Variants in SPOCK3 observed in about 807,000 individuals in gnomAD.
SPOCK3 encodes testican-3.
SPOCK3 carries 30 observed loss-of-function variants against 56.6 expected under a neutral mutation model. The ratio of observed to expected loss-of-function variants is 0.53; its 90% CI spans 0.40 to 0.72. The LOEUF is 0.72. Among genes scored for constraint, SPOCK3 ranks in the 30% least tolerant of loss-of-function variants. SPOCK3 has a pLI of 0.00. For synonymous variants in SPOCK3, 196 were observed against 183.3 expected, an observed-to-expected ratio of 1.07 and a Z score of -0.56; for missense variants, 527 against 530.0, an observed-to-expected ratio of 0.99 and a Z score of 0.06.
At chr4:166,954,451 G>A (rs1743133002) in intron 4 of SPOCK3, among the ~76,000 whole-genome samples, 1 of 151,968 alleles carries the variant, frequency 6.6e-6, no homozygotes, top group South Asian at 2.1e-4. Context: ...TTACATTTCA[G>A]TCTTTATCCC....
At chr4:166,902,378 G>A (rs935445026) in intron 5 of SPOCK3, among the ~76,000 whole-genome samples, 3 of 151,822 alleles carry the variant, frequency 2.0e-5, no homozygotes, top group Admixed American at 2.0e-4. Context: ...TCCTGTACTT[G>A]TGGAATCATG....
chr4:167,035,455 G>A (rs6818745), intron 3 of SPOCK3, among the ~76,000 whole-genome samples: 29,853 of 151,670 alleles, frequency 0.2, 3,483 homozygotes, highest in African/African-American at 0.33. Context: ...GAAACCTTAC[G>A]AGCCAGCTCA....
At chr4:167,226,958 G>A (rs560320355) in intron 2 of SPOCK3, among the ~76,000 whole-genome samples, 3 of 152,138 alleles carry the variant, frequency 2.0e-5, no homozygotes, top group African/African-American at 4.8e-5. Context: ...TAAGTGAGGT[G>A]GAAGAGAAAG....
intron 2 of SPOCK3, among the ~76,000 whole-genome samples, chr4:167,066,120 A>T (rs143855945): frequency 2.6e-4 from 39 of 151,956 alleles, no homozygotes; most frequent in Admixed American, 7.2e-4. Context: ...TTATTGTTTA[A>T]ACTGTCTTTT....
intron 2 of SPOCK3, among the ~76,000 whole-genome samples, chr4:167,208,873 C>T (rs979987771): frequency 1.3e-5 from 2 of 152,054 alleles, no homozygotes; most frequent in African/African-American, 4.8e-5. Flanking sequence ...ATAAGGAAAA[C>T]ATTAAAATCC....
intron 2 of SPOCK3, among the ~76,000 whole-genome samples, chr4:167,066,280 G>A (rs959803677): frequency 1.3e-5 from 2 of 151,770 alleles, no homozygotes; most frequent in Non-Finnish European, 2.9e-5. Flanking sequence ...TGTGTTAGGG[G>A]TAGGGAGACT....
At chr4:167,224,562 C>T (rs1165802636) in intron 2 of SPOCK3, among the ~76,000 whole-genome samples, 1 of 152,046 alleles carries the variant, frequency 6.6e-6, no homozygotes, top group Admixed American at 6.6e-5. Flanking sequence ...AAGTTTTTTC[C>T]TAATTAATTT....
At chr4:166,802,634 T>C (rs1742734455) in intron 6 of SPOCK3, among the ~76,000 whole-genome samples, 1 of 152,120 alleles carries the variant, frequency 6.6e-6, no homozygotes, top group African/African-American at 2.4e-5. Context: ...TCCCACCTCC[T>C]GGTACCATCG....
At chr4:167,229,698 T>C (rs1429472573) in intron 2 of SPOCK3, among the ~76,000 whole-genome samples, 1 of 152,154 alleles carries the variant, frequency 6.6e-6, no homozygotes, top group Non-Finnish European at 1.5e-5. Flanking sequence ...AGTCAACTTA[T>C]AATTTGAGTG....
chr4:167,113,077 A>G (rs573770547), intron 2 of SPOCK3, among the ~76,000 whole-genome samples: 2 of 152,248 alleles, frequency 1.3e-5, no homozygotes, highest in East Asian at 1.9e-4. Context: ...AAAGGTCAAC[A>G]TGTCAAGAGA....
At chr4:167,132,890 C>T (rs1261294999) in intron 2 of SPOCK3, among the ~76,000 whole-genome samples, 1 of 152,164 alleles carries the variant, frequency 6.6e-6, no homozygotes, top group Non-Finnish European at 1.5e-5. Context: ...GCCTCCTCTT[C>T]TCAAGGTCCT....
intron 4 of SPOCK3, among the ~76,000 whole-genome samples, chr4:166,949,157 C>G (rs1742169414): frequency 6.6e-6 from 1 of 152,216 alleles, no homozygotes; most frequent in Non-Finnish European, 1.5e-5. Context: ...CTTCTGCATT[C>G]TACACGTAGT....
intron 10 of SPOCK3, among the ~76,000 whole-genome samples, chr4:166,736,273 C>T (rs1284608403): frequency 6.6e-6 from 1 of 152,098 alleles, no homozygotes; most frequent in Non-Finnish European, 1.5e-5. Flanking sequence ...AGGAACTCAT[C>T]TCCATATAAC....
chr4:166,991,908 G>A (rs867608242), intron 4 of SPOCK3, among the ~76,000 whole-genome samples: 1 of 152,016 alleles, frequency 6.6e-6, no homozygotes, highest in Non-Finnish European at 1.5e-5. Flanking sequence ...ATTCACACAC[G>A]TGTATATAAA....
At chr4:166,810,452 C>T (rs1402659709) in intron 6 of SPOCK3, among the ~76,000 whole-genome samples, 1 of 151,826 alleles carries the variant, frequency 6.6e-6, no homozygotes, top group African/African-American at 2.4e-5. Flanking sequence ...GAAATATTTG[C>T]TATATGTTTT....
Position 167,226,461 on chromosome 4 carries a change from C to T in SPOCK3, c.189+7524G>A, listed in dbSNP as rs575591663. On this transcript the variant is annotated intron_variant, in intron 2 of 10. Transcript: ENST00000357545. ...GACAGGCAATGATAAAAAACATTCCCATCAGAGGACACGGGGATGGAGACT... is the reference window on the plus strand; with the variant it reads ...GACAGGCAATGATAAAAAACATTCCTATCAGAGGACACGGGGATGGAGACT... Among the ~76,000 whole-genome samples the T allele has an allele frequency of 3.9e-5, 6 of 152,190 alleles. No homozygotes were observed. In the East Asian group the frequency reaches 1.2e-3, roughly 29 times the overall value.
At chr4:166,800,348 T>A (rs1364319261) in intron 6 of SPOCK3, among the ~76,000 whole-genome samples, 1 of 150,974 alleles carries the variant, frequency 6.6e-6, no homozygotes, top group Non-Finnish European at 1.5e-5. Context: ...CTGAAAAGAG[T>A]GACACCTCCT....
chr4:166,848,744 G>A (rs1209828194), intron 6 of SPOCK3, among the ~76,000 whole-genome samples: 1 of 152,200 alleles, frequency 6.6e-6, no homozygotes, highest in Non-Finnish European at 1.5e-5. Context: ...GAGCCAACAA[G>A]CCGGCCAGTG....
chr4:167,186,978 CA>C (rs67424272), intron 2 of SPOCK3, among the ~76,000 whole-genome samples: 29,485 of 88,588 alleles, frequency 0.33, 2,614 homozygotes, highest in African/African-American at 0.45. Context: ...CTCTGTGCCT[CA>C]AAAAAAAAAA....
Sources: gnomAD v4.1 joint callset for allele counts (sites outside exome capture counted in the v4.1 genomes callset) on GRCh38, gnomAD v4.1.1 for gene constraint, MANE v1.5 for transcripts, NCBI Gene and HGNC (gene_info 2026-07-23, HGNC 2026-07-21) for gene names.